SLC35F4: variants seen among roughly 807,000 people sequenced by gnomAD.
The protein encoded by SLC35F4 is chromosome 14 open reading frame 36.
In SLC35F4, 24 loss-of-function variants were observed where a neutral mutation model predicts 44.2. The observed-to-expected ratio is 0.54, with a 90% CI of 0.39 to 0.76. The LOEUF (loss-of-function observed/expected upper bound fraction) is 0.76. SLC35F4 is among the 30% of genes least tolerant of loss of function. The probability of loss-of-function intolerance (pLI) is 0.00; values close to 1 mark genes in which losing one functional copy is unlikely to be tolerated. For synonymous variants in SLC35F4, 238 were observed against 223.6 expected (o/e 1.06, Z -0.57); for missense variants, 562 against 586.1 (o/e 0.96, Z 0.42).
chr14:57,965,454 CTGCAAT>C (rs1890421864), intron 1 of SLC35F4, among the ~76,000 whole-genome samples: 2 of 152,170 alleles, frequency 1.3e-5, no homozygotes, highest in African/African-American at 4.8e-5. Context: ...TTAATTTCAT[CTGCAAT>C]CTTAATTCCC....
chr14:57,758,716 C>T (rs903784144), intron 1 of SLC35F4, among the ~76,000 whole-genome samples: 2 of 151,792 alleles, frequency 1.3e-5, no homozygotes, highest in African/African-American at 4.8e-5. Context: ...GACTAGATGC[C>T]AGGTGTTGTA....
At chr14:57,721,679 G>A (rs981023066) in intron 1 of SLC35F4, among the ~76,000 whole-genome samples, 1 of 152,162 alleles carries the variant, frequency 6.6e-6, no homozygotes, top group African/African-American at 2.4e-5. Flanking sequence ...AAAAGAATGG[G>A]ACTCTGCAAC....
At chr14:57,722,015 GAGGTT>G (rs1290930923) in intron 1 of SLC35F4, among the ~76,000 whole-genome samples, 1 of 152,200 alleles carries the variant, frequency 6.6e-6, no homozygotes, top group Non-Finnish European at 1.5e-5. Context: ...CTCCAGAGGT[GAGGTT>G]GAGAGTGTGA....
chr14:57,677,411 A>T (rs371574663), intron 1 of SLC35F4, among the ~76,000 whole-genome samples: 1 of 113,744 alleles, frequency 8.8e-6, no homozygotes, highest in African/African-American at 4.3e-5. Context: ...TATTGAAAAA[A>T]AAATAAAAAT....
At chr14:57,851,072 A>G (rs74055815) in intron 1 of SLC35F4, among the ~76,000 whole-genome samples, 1 of 152,222 alleles carries the variant, frequency 6.6e-6, no homozygotes, top group African/African-American at 2.4e-5. Context: ...AGGTGTTAAG[A>G]CTCCCAGCAC....
chr14:57,963,764 C>T (rs1236843561), intron 1 of SLC35F4, among the ~76,000 whole-genome samples: 1 of 143,850 alleles, frequency 7.0e-6, no homozygotes, highest in East Asian at 2.0e-4. Flanking sequence ...ATTTTGTGGC[C>T]CAGGCTGGAG....
chr14:57,705,910 CT>C (rs5808936), intron 1 of SLC35F4, among the ~76,000 whole-genome samples: 7,131 of 152,182 alleles, frequency 0.047, 213 homozygotes, highest in South Asian at 0.082. Flanking sequence ...TTGTCTTCAA[CT>C]TTTCCCACTT....
At chr14:57,670,508 TC>T (rs1274154616) in intron 1 of SLC35F4, among the ~76,000 whole-genome samples, 3 of 152,108 alleles carry the variant, frequency 2.0e-5, no homozygotes, top group African/African-American at 7.3e-5. Flanking sequence ...TTTGAATGTG[TC>T]CCACTGATTC....
intron 1 of SLC35F4, chr14:57,630,233 T>G (rs2072700115): frequency 1.8e-6 from 1 of 557,994 alleles, no homozygotes; most frequent in Admixed American, 2.1e-5. Context: ...CATGCTATGA[T>G]GATGATGACA....
chr14:57,927,166 A>G (rs533659773), intron 1 of SLC35F4, among the ~76,000 whole-genome samples: 2 of 152,336 alleles, frequency 1.3e-5, no homozygotes, highest in South Asian at 2.1e-4. Flanking sequence ...AGGTTTGCCA[A>G]TCTGCAAGCT....
chr14:57,650,570 C>T (rs1333894913), intron 1 of SLC35F4, among the ~76,000 whole-genome samples: 4 of 152,142 alleles, frequency 2.6e-5, no homozygotes, highest in Admixed American at 2.0e-4. Flanking sequence ...CAGACCACTA[C>T]GATAATCTGC....
intron 1 of SLC35F4, among the ~76,000 whole-genome samples, chr14:57,765,146 T>C (rs1205824655): frequency 6.6e-6 from 1 of 152,210 alleles, no homozygotes; most frequent in East Asian, 1.9e-4. Flanking sequence ...TTTCCACACA[T>C]GGTTTTATTC....
At chr14:57,725,056 G>C (rs1020594943) in intron 1 of SLC35F4, among the ~76,000 whole-genome samples, 8 of 152,186 alleles carry the variant, frequency 5.3e-5, no homozygotes, top group Admixed American at 5.2e-4. Flanking sequence ...TAAAAAAACT[G>C]TGAGGATACT....
chr14:57,787,758 C>T (rs1333573390), intron 1 of SLC35F4, among the ~76,000 whole-genome samples: 3 of 152,134 alleles, frequency 2.0e-5, no homozygotes, highest in Admixed American at 2.0e-4. Context: ...CAAAAAGGAG[C>T]TCTAAATCTT....
intron 1 of SLC35F4, among the ~76,000 whole-genome samples, chr14:57,699,712 C>T (rs2075483639): frequency 6.6e-6 from 1 of 152,168 alleles, no homozygotes; most frequent in Non-Finnish European, 1.5e-5. Flanking sequence ...AATTCTATTT[C>T]CTTATAGTAA....
chr14:57,935,146 G>T (rs1403888839), intron 1 of SLC35F4, among the ~76,000 whole-genome samples: 2 of 152,176 alleles, frequency 1.3e-5, no homozygotes, highest in African/African-American at 4.8e-5. Context: ...GGTGGTAGAG[G>T]AAGAGAGAAG....
intron 1 of SLC35F4, among the ~76,000 whole-genome samples, chr14:57,727,653 G>A (rs1487828714): frequency 6.6e-6 from 1 of 151,798 alleles, no homozygotes; most frequent in African/African-American, 2.4e-5. Context: ...TTTACCCACT[G>A]GTCATTCAGG....
At chr14:57,770,077 T>A (rs2077326725) in intron 1 of SLC35F4, among the ~76,000 whole-genome samples, 1 of 152,168 alleles carries the variant, frequency 6.6e-6, no homozygotes, top group African/African-American at 2.4e-5. Context: ...AACCCAGAGA[T>A]TCATTCTGTG....
intron 1 of SLC35F4, among the ~76,000 whole-genome samples, chr14:57,917,781 G>A (rs545935659): frequency 1.8e-4 from 28 of 152,256 alleles, no homozygotes; most frequent in South Asian, 1.2e-3. Flanking sequence ...TATGGATCCC[G>A]TTACCAAGTT....
Sources: allele counts gnomAD v4.1 joint callset (sites outside exome capture counted in the v4.1 genomes callset), GRCh38; gene constraint gnomAD v4.1.1; transcripts MANE v1.5; gene names NCBI Gene and HGNC (gene_info 2026-07-23, HGNC 2026-07-21).